The following ZNF385D variants were observed in gnomAD, a reference collection of about 807,000 sequenced individuals.
ZNF385D encodes the protein zinc finger protein 385D.
ZNF385D carries 15 observed loss-of-function variants against 35.8 expected under a neutral mutation model. The observed-to-expected ratio is 0.42, with a 90% CI of 0.28 to 0.64. ZNF385D has a LOEUF of 0.64. Ranked by LOEUF, ZNF385D falls within the 30% of genes least tolerant of loss-of-function variation. The pLI is 0.23. For missense variants in ZNF385D, 474 were observed against 494.6 expected (o/e 0.96, Z 0.39); for synonymous variants, 212 against 186.8 (o/e 1.13, Z -1.10).
chr3:21,957,514 T>G (rs975082550), intron 3 of ZNF385D, among the ~76,000 whole-genome samples: 1 of 152,102 alleles, frequency 6.6e-6, no homozygotes, highest in Non-Finnish European at 1.5e-5. Flanking sequence ...ATGAGGAACT[T>G]GTTGAGAACT....
At chr3:21,555,764 T>A (rs1369195549) in intron 3 of ZNF385D, among the ~76,000 whole-genome samples, 1 of 152,144 alleles carries the variant, frequency 6.6e-6, no homozygotes, top group Non-Finnish European at 1.5e-5. Flanking sequence ...GTATTTCTGG[T>A]TCTAGATCTT....
intron 2 of ZNF385D, among the ~76,000 whole-genome samples, chr3:22,173,774 G>T (rs1196197796): frequency 6.6e-6 from 1 of 152,182 alleles, no homozygotes; most frequent in South Asian, 2.1e-4. Context: ...CAATGGAAAG[G>T]CTCCCCAGCC....
chr3:21,530,152 C>A (rs1423579647), intron 3 of ZNF385D, among the ~76,000 whole-genome samples: 1 of 152,170 alleles, frequency 6.6e-6, no homozygotes, highest in Non-Finnish European at 1.5e-5. Context: ...TCACCTTTCA[C>A]CATGACTGCA....
At chr3:22,184,829 A>G (rs1019763200) in intron 2 of ZNF385D, among the ~76,000 whole-genome samples, 6 of 152,098 alleles carry the variant, frequency 3.9e-5, no homozygotes, top group African/African-American at 1.4e-4. Flanking sequence ...AAAAGGACAA[A>G]TGGACTACAT....
chr3:22,134,448 A>T (rs1576377380), intron 3 of ZNF385D: 1 of 152,182 alleles, frequency 6.6e-6, no homozygotes, highest in South Asian at 2.1e-4. Context: ...AATCATTAAA[A>T]CTACTAGACA....
At chr3:21,425,784 T>A in intron 5 of ZNF385D, 114 bp from the exon 6 acceptor site, 2 of 915,190 alleles carry the variant, frequency 2.2e-6, no homozygotes, top group Non-Finnish European at 3.0e-6. Flanking sequence ...TAAGAAACAG[T>A]ACAATAACAA....
At chr3:22,188,778 A>G (rs13083298) in intron 2 of ZNF385D, among the ~76,000 whole-genome samples, 25,851 of 152,142 alleles carry the variant, frequency 0.17, 2,366 homozygotes, top group African/African-American at 0.19. Flanking sequence ...ATATTTTCAA[A>G]TATCTAGAGA....
intron 1 of ZNF385D, among the ~76,000 whole-genome samples, chr3:21,745,461 C>G (rs533987404): frequency 1.3e-5 from 2 of 152,264 alleles, no homozygotes; most frequent in East Asian, 1.9e-4. Context: ...CCAGCTGCTT[C>G]ATAACGATTT....
chr3:21,563,572 C>T (rs917031245), intron 3 of ZNF385D, among the ~76,000 whole-genome samples: 1 of 152,198 alleles, frequency 6.6e-6, no homozygotes, highest in African/African-American at 2.4e-5. Flanking sequence ...AATTATCTTG[C>T]ATCCTATCTT....
chr3:21,663,140 T>C (rs1172149959), intron 2 of ZNF385D, among the ~76,000 whole-genome samples: 2 of 152,072 alleles, frequency 1.3e-5, no homozygotes, highest in African/African-American at 4.8e-5. Context: ...CCCACAAATC[T>C]CTGAATGGTA....
intron 2 of ZNF385D, among the ~76,000 whole-genome samples, chr3:22,211,146 G>C (rs745710225): frequency 4.6e-5 from 7 of 151,762 alleles, no homozygotes; most frequent in Non-Finnish European, 1.0e-4. Context: ...TATTCCTCAA[G>C]CTCAGGAGAT....
Position 21,455,739 on chromosome 3 carries a change from G to T in ZNF385D, c.440-18536C>A, listed in dbSNP as rs1294564288. Among the ~76,000 whole-genome samples, 4 of 152,156 alleles carry T rather than the reference G, an allele frequency of 2.6e-5. No homozygotes were observed. The East Asian group carries it at 7.7e-4, about 29-fold the overall frequency. On this transcript the variant is annotated intron_variant, in intron 4 of 7. Transcript: ENST00000281523. ...GCAACAAAAGCCAAAATTGACAAATGGGACCTAATTAAACTAAAGAGCTTC... is the reference window on the plus strand; with the variant it reads ...GCAACAAAAGCCAAAATTGACAAATTGGACCTAATTAAACTAAAGAGCTTC...
At chr3:21,735,119 A>C (rs954939580) in intron 1 of ZNF385D, among the ~76,000 whole-genome samples, 14 of 152,208 alleles carry the variant, frequency 9.2e-5, no homozygotes, top group Admixed American at 6.5e-4. Context: ...TCCTAATGCA[A>C]ATAATGGCAG....
At chr3:21,644,044 G>A (rs186272985) in intron 2 of ZNF385D, among the ~76,000 whole-genome samples, 3 of 152,182 alleles carry the variant, frequency 2.0e-5, no homozygotes, top group African/African-American at 4.8e-5. Context: ...CCAAGATTTA[G>A]GTATAGTAAC....
At chr3:22,241,988 G>A (rs148670797) in intron 2 of ZNF385D, among the ~76,000 whole-genome samples, 1 of 148,506 alleles carries the variant, frequency 6.7e-6, no homozygotes, top group African/African-American at 2.5e-5. Flanking sequence ...AAAAACCAAA[G>A]ACCGCATATT....
chr3:21,530,370 C>A (rs1575114475), intron 3 of ZNF385D, among the ~76,000 whole-genome samples: 1 of 152,300 alleles, frequency 6.6e-6, no homozygotes, highest in Non-Finnish European at 1.5e-5. Context: ...GTGCCTTGAG[C>A]AAAGTCTACA....
chr3:22,030,310 G>GATATATCCTATTT (rs1187137166), intron 3 of ZNF385D, among the ~76,000 whole-genome samples: 2 of 43,340 alleles, frequency 4.6e-5, no homozygotes, highest in African/African-American at 2.2e-4. Flanking sequence ...TATCCTATTT[G>GATATATCCTATTT]GTCCATCCCT....
chr3:22,096,150 T>G (rs1355663533), intron 3 of ZNF385D, among the ~76,000 whole-genome samples: 1 of 151,694 alleles, frequency 6.6e-6, no homozygotes, highest in Non-Finnish European at 1.5e-5. Flanking sequence ...GTTTAATAAT[T>G]GTTTAGAGGG....
At chr3:22,025,668 G>C (rs565280471) in intron 3 of ZNF385D, among the ~76,000 whole-genome samples, 2 of 152,112 alleles carry the variant, frequency 1.3e-5, no homozygotes. Flanking sequence ...CACTGTGAGC[G>C]AGCTGGAAAT....
Sources: gnomAD v4.1 joint callset for allele counts (sites outside exome capture counted in the v4.1 genomes callset) on GRCh38, gnomAD v4.1.1 for gene constraint, MANE v1.5 for transcripts, NCBI Gene and HGNC (gene_info 2026-07-23, HGNC 2026-07-21) for gene names.